RYR2: variants seen among roughly 807,000 people sequenced by gnomAD.
RYR2 encodes the protein ryanodine receptor 2.
In RYR2, 227 loss-of-function variants were observed where a neutral mutation model predicts 601.1. The observed-to-expected ratio is 0.38, with a 90% CI of 0.34 to 0.42. RYR2 has a LOEUF of 0.42. RYR2 is among the 10% of genes least tolerant of loss of function. The pLI, the probability that RYR2 is intolerant of heterozygous loss-of-function variation, is 1.00. For synonymous variants in RYR2, 2,223 were observed against 2,175.1 expected (o/e 1.02, Z -0.61); for missense variants, 4,646 against 6,156.5 (o/e 0.75, Z 8.21).
intron 44 of RYR2, 98 bp from the exon 45 acceptor site, chr1:237,638,259 A>C: frequency 2.6e-6 from 4 of 1,534,384 alleles, no homozygotes; most frequent in Non-Finnish European, 3.5e-6. Context: ...GCATTTGTTT[A>C]AAAGCATCCT....
At chr1:237,208,462 C>A (rs1473089797) in intron 1 of RYR2, among the ~76,000 whole-genome samples, 1 of 152,190 alleles carries the variant, frequency 6.6e-6, no homozygotes, top group Non-Finnish European at 1.5e-5. Flanking sequence ...AGCTGTTGAA[C>A]TAGAAGTGCT....
intron 13 of RYR2, among the ~76,000 whole-genome samples, chr1:237,443,756 A>G (rs1434975152): frequency 6.6e-6 from 1 of 152,084 alleles, no homozygotes; most frequent in African/African-American, 2.4e-5. Context: ...TCAACCATTT[A>G]AAAATGTAAA....
At chr1:237,739,360 A>G (rs1273245387) in intron 79 of RYR2, among the ~76,000 whole-genome samples, 1 of 152,130 alleles carries the variant, frequency 6.6e-6, no homozygotes, top group South Asian at 2.1e-4. Context: ...TTTTGTCTGC[A>G]TCATGCCTAC....
Position 237,136,440 on chromosome 1 carries a change from G to A in RYR2, c.48+93871G>A, listed in dbSNP as rs557089835. On this transcript the variant is annotated intron_variant, in intron 1 of 104. Coordinates refer to ENST00000366574, the MANE Select transcript of RYR2 (RefSeq NM_001035.3). ...GCCTCTGAGAGCTATAAATGACATA[G>A]GGTCAAATTGAACCATTTTCCCACC... Among the ~76,000 whole-genome samples the A allele has an allele frequency of 2.0e-5, 3 of 152,252 alleles. No individual in the cohort carries two copies. In the East Asian group the frequency reaches 5.8e-4, roughly 29 times the overall value.
rs866778015 is a variant in RYR2 at position 237,137,012 on chromosome 1, A to G, written c.48+94443A>G. On this transcript the variant is annotated intron_variant, in intron 1 of 104. Coordinates refer to ENST00000366574, the MANE Select transcript of RYR2 (RefSeq NM_001035.3). ...AGCCTGGGTGATGGAGCAAGACTCC[A>G]TCTCAAAAAAAAAAAAAAAAAAAAA... Among the ~76,000 whole-genome samples the G allele has an allele frequency of 5.1e-5, 7 of 137,934 alleles. 1 individual carries two copies. The South Asian group carries it at 1.7e-3, about 34-fold the overall frequency. 90.5% of individuals were successfully genotyped at this position (137,934 alleles called of 152,430 possible). A position where few individuals can be genotyped will look rare whatever the true frequency, so the allele number is the denominator to read the frequency against.
chr1:237,591,674 G>A (rs1675216753), intron 31 of RYR2, 65 bp from the exon 32 acceptor site: 2 of 1,303,288 alleles, frequency 1.5e-6, no homozygotes, highest in African/African-American at 1.5e-5. Flanking sequence ...TTGATTATAT[G>A]CTCATATTTG....
intron 59 of RYR2, 85 bp downstream of exon 59, chr1:237,674,304 A>T: frequency 9.2e-7 from 1 of 1,083,796 alleles, no homozygotes; most frequent in Non-Finnish European, 1.4e-6. Context: ...GCTGAAAATG[A>T]ATTCAATGAT....
chr1:237,593,137 GC>G (rs1675418497), intron 32 of RYR2, among the ~76,000 whole-genome samples: 1 of 151,860 alleles, frequency 6.6e-6, no homozygotes, highest in Admixed American at 6.6e-5. Context: ...CTGTATATGT[GC>G]ACATATATAT....
At chr1:237,232,864 G>A (rs150986170) in intron 1 of RYR2, among the ~76,000 whole-genome samples, 1 of 152,288 alleles carries the variant, frequency 6.6e-6, no homozygotes, top group Non-Finnish European at 1.5e-5. Context: ...AGTCTTCTGT[G>A]TTAATGATTT....
At chr1:237,355,291 AG>A (rs953008489) in intron 3 of RYR2, among the ~76,000 whole-genome samples, 1 of 152,118 alleles carries the variant, frequency 6.6e-6, no homozygotes, top group Non-Finnish European at 1.5e-5. Context: ...AAGGAATCCT[AG>A]GGCGTTGTAG....
intron 1 of RYR2, among the ~76,000 whole-genome samples, chr1:237,241,698 G>T (rs1247838578): frequency 1.3e-5 from 2 of 152,182 alleles, no homozygotes; most frequent in African/African-American, 2.4e-5. Flanking sequence ...TAAACAAGGG[G>T]TGGATTATTC....
In RYR2 at chr1:237,213,591, C is replaced by T. The variant is rs145954931; in HGVS notation, c.49-56906C>T. Among the ~76,000 whole-genome samples, 438 of 152,150 alleles carry T rather than the reference C, an allele frequency of 2.9e-3. 1 individual carries two copies. Among genetic ancestry groups the T allele is most frequent in the African/African-American group, 0.01 (424 of 41,516 alleles). ...TATTTGCCTGCTTTTCTAATGGGAG[C>T]GCCTCTTCTCAATATATAACAGCTG... On this transcript the variant is annotated intron_variant, in intron 1 of 104. Transcript: ENST00000366574.
intron 1 of RYR2, among the ~76,000 whole-genome samples, chr1:237,224,914 CTG>C (rs1468960438): frequency 2.0e-5 from 3 of 152,152 alleles, no homozygotes; most frequent in African/African-American, 4.8e-5. Context: ...GGTGAGGAAA[CTG>C]AGGCCCAGGA....
intron 39 of RYR2, 50 bp from the exon 40 acceptor site, chr1:237,625,611 A>T (rs781651622): frequency 3.2e-6 from 5 of 1,573,376 alleles, no homozygotes; most frequent in Non-Finnish European, 4.3e-6. Context: ...TTATTTGCCC[A>T]AGTGTATTCT....
chr1:237,500,494 T>C (rs1664518001), intron 20 of RYR2, among the ~76,000 whole-genome samples: 1 of 152,224 alleles, frequency 6.6e-6, no homozygotes, highest in South Asian at 2.1e-4. Flanking sequence ...AGAAGGTCCA[T>C]TTTACAACAT....
Position 237,569,289 on chromosome 1 carries a change from C to G in RYR2, c.3568C>G (p.Leu1190Val). ...CCTTCTTGATGATTCAGGCTCAGAA[C>G]TGGCTTTCAAGGACTTTGATGTTGG... ...EILLDDSGSE[L>V]AFKDFDVGDG... The change falls in exon 29 of 105, where the codon CTG becomes GTG. Residue 1190 changes from leucine (L) to valine (V), a missense_variant. By Grantham distance (32) the Leu-to-Val change is conservative (BLOSUM62 1). Transcript: ENST00000366574. 6.2e-7 allele frequency: 1 copy of G among 1,613,828 alleles called. No individual in the cohort carries two copies. Among genetic ancestry groups the G allele is most frequent in the Non-Finnish European group, 8.5e-7 (1 of 1,179,840 alleles).
intron 42 of RYR2, 40 bp from the exon 43 acceptor site, chr1:237,633,538 T>C: frequency 2.5e-6 from 4 of 1,612,296 alleles, no homozygotes; most frequent in East Asian, 2.2e-5. Flanking sequence ...TTTATAAAGG[T>C]CGTTTGCTTT....
At chr1:237,182,665 G>A (rs1460425081) in intron 1 of RYR2, among the ~76,000 whole-genome samples, 1 of 152,190 alleles carries the variant, frequency 6.6e-6, no homozygotes, top group Non-Finnish European at 1.5e-5. Context: ...ATCCTTGGCT[G>A]TAGATTGTTA....
intron 29 of RYR2, among the ~76,000 whole-genome samples, chr1:237,570,279 T>G (rs951273438): frequency 6.6e-6 from 1 of 150,504 alleles, no homozygotes; most frequent in East Asian, 1.9e-4. Flanking sequence ...TCTTCAGACA[T>G]GCACTCCCAA....
Sources: allele counts gnomAD v4.1 joint callset (sites outside exome capture counted in the v4.1 genomes callset), GRCh38; gene constraint gnomAD v4.1.1; transcripts MANE v1.5; gene names NCBI Gene and HGNC (gene_info 2026-07-23, HGNC 2026-07-21).